Variants in XKR4 observed in about 807,000 individuals in gnomAD.
The protein encoded by XKR4 is XK related 4.
A neutral mutation model predicts 53.9 loss-of-function variants in XKR4; 12 were observed. That is an observed-to-expected ratio of 0.22 (90% confidence interval 0.14 to 0.36). The LOEUF (loss-of-function observed/expected upper bound fraction) is 0.36, where lower values mean the gene tolerates loss of function less well. Ranked by LOEUF, XKR4 falls within the 10% of genes least tolerant of loss-of-function variation. The pLI, the probability that XKR4 is intolerant of heterozygous loss-of-function variation, is 1.00. For synonymous variants in XKR4, 354 were observed against 362.4 expected (o/e 0.98, Z 0.26); for missense variants, 799 against 859.5 (o/e 0.93, Z 0.88).
chr8:55,491,396 A>C (rs1001936307), intron 2 of XKR4, among the ~76,000 whole-genome samples: 1 of 151,884 alleles, frequency 6.6e-6, no homozygotes, highest in Non-Finnish European at 1.5e-5. Context: ...GCATATTTGG[A>C]ATTTGAATTT....
At chr8:55,180,750 C>T (rs1036287629) in intron 1 of XKR4, among the ~76,000 whole-genome samples, 2 of 152,126 alleles carry the variant, frequency 1.3e-5, no homozygotes, top group African/African-American at 4.8e-5. Flanking sequence ...CCAGGCTGGC[C>T]TTGAACTCCT....
At chr8:55,455,319 G>A (rs533395614) in intron 2 of XKR4, among the ~76,000 whole-genome samples, 4 of 151,974 alleles carry the variant, frequency 2.6e-5, no homozygotes, top group Non-Finnish European at 2.9e-5. Flanking sequence ...CAGCTGGCCC[G>A]CCTGGCTGTT....
intron 2 of XKR4, among the ~76,000 whole-genome samples, chr8:55,399,063 A>T (rs778792365): frequency 9.2e-5 from 14 of 152,190 alleles, no homozygotes; most frequent in Non-Finnish European, 1.6e-4. Flanking sequence ...AATACCTCTA[A>T]GGAAGATTTT....
At chr8:55,199,277 C>G (rs1229569184) in intron 1 of XKR4, among the ~76,000 whole-genome samples, 1 of 152,084 alleles carries the variant, frequency 6.6e-6, no homozygotes, top group Middle Eastern at 3.2e-3. Context: ...ATTCAGCTAT[C>G]CCTAGATTGC....
Position 55,232,277 on chromosome 8 carries a change from C to T in XKR4, c.807-125401C>T, listed in dbSNP as rs140326018. On this transcript the variant is annotated intron_variant, in intron 1 of 2. Coordinates refer to ENST00000327381, the MANE Select transcript of XKR4 (RefSeq NM_052898.2). ...GACATTAGTGATGCTTGACCAAGTG[C>T]CAGGAAGAGGCCATTAGCTGGGTGC... is the stretch of plus-strand genomic sequence containing the variant. 3.9e-3 allele frequency among the ~76,000 whole-genome samples: 597 copies of T among 152,274 alleles called. 6 individuals carry two copies. The highest frequency in any genetic ancestry group is 0.013 in the African/African-American group (561 of 41,564).
chr8:55,453,828 G>A, intron 2 of XKR4: 1 of 493,170 alleles, frequency 2.0e-6, no homozygotes, highest in Non-Finnish European at 3.9e-6. Flanking sequence ...ACCCACCTCT[G>A]TGCCACATCG....
intron 1 of XKR4, among the ~76,000 whole-genome samples, chr8:55,316,528 T>C (rs563376644): frequency 6.6e-6 from 1 of 152,350 alleles, no homozygotes; most frequent in Admixed American, 6.5e-5. Flanking sequence ...ACAGATGACA[T>C]TGGAAGAAAA....
intron 2 of XKR4, among the ~76,000 whole-genome samples, chr8:55,420,659 C>G (rs1486917582): frequency 1.3e-5 from 2 of 148,988 alleles, no homozygotes; most frequent in African/African-American, 2.5e-5. Context: ...GGGGGAGGGA[C>G]AGCATGGGGA....
intron 1 of XKR4, among the ~76,000 whole-genome samples, chr8:55,153,069 T>C (rs1024209808): frequency 4.6e-5 from 7 of 152,194 alleles, no homozygotes; most frequent in African/African-American, 1.4e-4. Flanking sequence ...CATAGGAGGA[T>C]CCAGGCTCAC....
At chr8:55,114,401 G>A (rs1816276921) in intron 1 of XKR4, among the ~76,000 whole-genome samples, 2 of 152,124 alleles carry the variant, frequency 1.3e-5, no homozygotes, top group Non-Finnish European at 2.9e-5. Context: ...GAGAGCACCA[G>A]TGGGGTCAGC....
chr8:55,467,645 A>G (rs1805795364), intron 2 of XKR4, among the ~76,000 whole-genome samples: 4 of 152,178 alleles, frequency 2.6e-5, no homozygotes, highest in African/African-American at 9.7e-5. Flanking sequence ...AACACTGGGT[A>G]TTATCATTAT....
At chr8:55,119,839 A>G (rs1316691699) in intron 1 of XKR4, among the ~76,000 whole-genome samples, 2 of 152,184 alleles carry the variant, frequency 1.3e-5, no homozygotes, top group East Asian at 1.9e-4. Context: ...AGTTCTTACT[A>G]AAGATTCTGG....
chr8:55,149,766 T>C (rs768653016), intron 1 of XKR4, among the ~76,000 whole-genome samples: 25 of 152,224 alleles, frequency 1.6e-4, no homozygotes, highest in Non-Finnish European at 3.2e-4. Context: ...TTGTTAACTA[T>C]TGCAGAAGCA....
At chr8:55,284,733 A>G (rs1050281838) in intron 1 of XKR4, among the ~76,000 whole-genome samples, 20 of 152,138 alleles carry the variant, frequency 1.3e-4, no homozygotes, top group African/African-American at 2.9e-4. Context: ...ACCACATTCC[A>G]TTCATTAGAA....
At chr8:55,120,408 A>G (rs1048292558) in intron 1 of XKR4, among the ~76,000 whole-genome samples, 14 of 152,078 alleles carry the variant, frequency 9.2e-5, no homozygotes, top group Admixed American at 2.0e-4. Flanking sequence ...TTGGTGAGCT[A>G]TAGGTGCCTG....
Position 55,529,044 on chromosome 8 carries a change from T to C in XKR4, c.*4817T>C, listed in dbSNP as rs925992068. On this transcript the variant is annotated 3_prime_UTR_variant, in exon 3 of 3. Transcript: ENST00000327381. ...AGTTGCTGTCCTAAAAATGGGCATGTGGCAAGACTCTCAATCTACAGCCTC... is the reference window on the plus strand; with the variant it reads ...AGTTGCTGTCCTAAAAATGGGCATGCGGCAAGACTCTCAATCTACAGCCTC... 6.7e-6 allele frequency: 1 copy of C among 149,472 alleles called. No individual in the cohort carries two copies. The highest frequency in any genetic ancestry group is 3.2e-3 in the Middle Eastern group (1 of 316). The allele number at this position is 149,472 out of a possible 1,614,324, so 9.3% of individuals were successfully genotyped here. A position where few individuals can be genotyped will look rare whatever the true frequency, so the allele number is the denominator to read the frequency against.
intron 2 of XKR4, chr8:55,454,292 A>T: frequency 7.0e-7 from 1 of 1,426,202 alleles, no homozygotes; most frequent in African/African-American, 1.4e-5. Flanking sequence ...CTCTGCCTGG[A>T]AGGCCGCATT....
intron 1 of XKR4, among the ~76,000 whole-genome samples, chr8:55,236,223 A>G (rs1044810007): frequency 6.6e-6 from 1 of 152,126 alleles, no homozygotes; most frequent in Non-Finnish European, 1.5e-5. Context: ...CAAAACAAAG[A>G]GAGGTGAGTG....
chr8:55,292,691 C>T (rs1200543309), intron 1 of XKR4, among the ~76,000 whole-genome samples: 2 of 152,008 alleles, frequency 1.3e-5, no homozygotes, highest in East Asian at 3.9e-4. Flanking sequence ...AATTCATTTA[C>T]CTCTTTCTTT....
Sources: allele counts gnomAD v4.1 joint callset (sites outside exome capture counted in the v4.1 genomes callset), GRCh38; gene constraint gnomAD v4.1.1; transcripts MANE v1.5; gene names NCBI Gene and HGNC (gene_info 2026-07-23, HGNC 2026-07-21).